Variants in GPC5 observed in about 807,000 individuals in gnomAD.
GPC5 encodes the protein glypican-5.
In GPC5, 47 loss-of-function variants were observed where a neutral mutation model predicts 53.9. The ratio of observed to expected loss-of-function variants is 0.87; its 90% CI spans 0.69 to 1.11. GPC5 has a LOEUF of 1.11. Ranked by LOEUF, GPC5 falls within the 50% of genes most tolerant of loss-of-function variation. GPC5 has a pLI of 0.00. For missense variants in GPC5, 748 were observed against 713.1 expected, an observed-to-expected ratio of 1.05 and a Z score of -0.56; for synonymous variants, 286 against 263.3, an observed-to-expected ratio of 1.09 and a Z score of -0.84.
At chr13:91,944,280 T>C (rs1251971751) in intron 6 of GPC5, among the ~76,000 whole-genome samples, 1 of 152,048 alleles carries the variant, frequency 6.6e-6, no homozygotes, top group South Asian at 2.1e-4. Flanking sequence ...GTATTTTTAG[T>C]AGAGCCATGG....
At chr13:91,468,456 G>A (rs73600292) in intron 2 of GPC5, among the ~76,000 whole-genome samples, 3,995 of 152,166 alleles carry the variant, frequency 0.026, 156 homozygotes, top group African/African-American at 0.09. Context: ...GTGATTGGTG[G>A]CCTTATATAA....
intron 6 of GPC5, among the ~76,000 whole-genome samples, chr13:92,032,059 A>G (rs1020726172): frequency 1.6e-4 from 22 of 137,972 alleles, no homozygotes; most frequent in African/African-American, 5.6e-4. Context: ...TAAAATATAT[A>G]TATTATGTAT....
At position 91,487,525 on chromosome 13, in the gene GPC5, C is replaced by G. The variant is rs2139239803; in HGVS notation, c.325+38603C>G. Among the ~76,000 whole-genome samples the G allele has an allele frequency of 2.6e-5, 4 of 152,236 alleles. No individual in the cohort carries two copies. The South Asian group carries it at 8.3e-4, about 32-fold the overall frequency. On this transcript the variant is annotated intron_variant, in intron 2 of 7. Coordinates refer to ENST00000377067, the MANE Select transcript of GPC5 (RefSeq NM_004466.6). ...CAGTCTTCAGATAGAAAAGGGAATACTAGGGTAGGGCCCCTTCCAAGATCT... is the reference window on the plus strand; with the variant it reads ...CAGTCTTCAGATAGAAAAGGGAATAGTAGGGTAGGGCCCCTTCCAAGATCT...
intron 6 of GPC5, among the ~76,000 whole-genome samples, chr13:91,916,436 A>G (rs2039660159): frequency 6.6e-6 from 1 of 152,232 alleles, no homozygotes; most frequent in Non-Finnish European, 1.5e-5. Flanking sequence ...ATATGTCCAT[A>G]TAATGCAATA....
At chr13:92,105,728 T>G (rs557554321) in intron 6 of GPC5, among the ~76,000 whole-genome samples, 357 of 152,112 alleles carry the variant, frequency 2.3e-3, no homozygotes, top group African/African-American at 8.3e-3. Flanking sequence ...TTATATATAT[T>G]AATCTTAATT....
chr13:91,434,244 G>A (rs1256990417), intron 1 of GPC5, among the ~76,000 whole-genome samples: 2 of 152,154 alleles, frequency 1.3e-5, no homozygotes, highest in African/African-American at 2.4e-5. Context: ...TGTTGCCAAC[G>A]CTTTTGGTGT....
intron 7 of GPC5, among the ~76,000 whole-genome samples, chr13:92,799,101 A>G (rs902168691): frequency 1.3e-4 from 20 of 151,760 alleles, no homozygotes; most frequent in African/African-American, 4.6e-4. Flanking sequence ...TAATGAAACA[A>G]AAGTCACTCT....
intron 5 of GPC5, among the ~76,000 whole-genome samples, chr13:91,870,671 A>C (rs1421310160): frequency 1.3e-5 from 2 of 152,218 alleles, no homozygotes; most frequent in Non-Finnish European, 2.9e-5. Flanking sequence ...CTATGTAATA[A>C]AAATGTGATT....
intron 6 of GPC5, among the ~76,000 whole-genome samples, chr13:92,125,025 C>T (rs2041683594): frequency 2.0e-5 from 3 of 152,150 alleles, no homozygotes; most frequent in African/African-American, 7.2e-5. Context: ...TGTCTTGCCT[C>T]TTGCTCACCA....
intron 7 of GPC5, among the ~76,000 whole-genome samples, chr13:92,602,962 G>A (rs1884129838): frequency 1.3e-5 from 2 of 152,112 alleles, no homozygotes; most frequent in Admixed American, 6.5e-5. Flanking sequence ...CAGTCTCACA[G>A]GACAAAATTG....
At chr13:92,177,175 T>G (rs1401162339) in intron 7 of GPC5, among the ~76,000 whole-genome samples, 1 of 152,218 alleles carries the variant, frequency 6.6e-6, no homozygotes, top group African/African-American at 2.4e-5. Flanking sequence ...AACCACAAGC[T>G]TTCTGGCTTT....
chr13:91,965,840 T>C (rs2040175647), intron 6 of GPC5, among the ~76,000 whole-genome samples: 1 of 152,198 alleles, frequency 6.6e-6, no homozygotes, highest in Non-Finnish European at 1.5e-5. Flanking sequence ...CTAATATAAT[T>C]ATCATGAAGT....
At chr13:91,993,927 C>G (rs1431719240) in intron 6 of GPC5, among the ~76,000 whole-genome samples, 1 of 152,102 alleles carries the variant, frequency 6.6e-6, no homozygotes, top group African/African-American at 2.4e-5. Flanking sequence ...CAAGAGTACT[C>G]AGAGATGTGC....
intron 7 of GPC5, among the ~76,000 whole-genome samples, chr13:92,634,460 A>G (rs769723435): frequency 6.6e-6 from 1 of 151,958 alleles, no homozygotes; most frequent in Admixed American, 6.6e-5. Context: ...TGATATCCTG[A>G]ATCAGTATTT....
chr13:92,806,038 G>T (rs984747010), intron 7 of GPC5, among the ~76,000 whole-genome samples: 5 of 152,010 alleles, frequency 3.3e-5, no homozygotes, highest in African/African-American at 9.7e-5. Context: ...GAAAGTCCTA[G>T]ATGGCATCTT....
At chr13:92,818,032 A>AGAT (rs1877540350) in intron 7 of GPC5, among the ~76,000 whole-genome samples, 3 of 134,974 alleles carry the variant, frequency 2.2e-5, no homozygotes, top group African/African-American at 8.5e-5. Context: ...TTTTTTCTTG[A>AGAT]GATGGAGTCT....
At chr13:91,403,209 G>C (rs758064281) in intron 1 of GPC5, among the ~76,000 whole-genome samples, 2 of 152,230 alleles carry the variant, frequency 1.3e-5, no homozygotes, top group African/African-American at 2.4e-5. Flanking sequence ...ATTAACATCA[G>C]GATTGCCCTG....
At chr13:91,531,918 G>A (rs1466041375) in intron 2 of GPC5, among the ~76,000 whole-genome samples, 1 of 152,090 alleles carries the variant, frequency 6.6e-6, no homozygotes, top group East Asian at 1.9e-4. Context: ...AGATCTTTCT[G>A]CTAATAAGAC....
intron 2 of GPC5, among the ~76,000 whole-genome samples, chr13:91,576,586 A>T (rs1056758186): frequency 6.6e-6 from 1 of 152,180 alleles, no homozygotes; most frequent in Non-Finnish European, 1.5e-5. Context: ...AAATTAGTGT[A>T]ACCACAGGGT....
Sources: gnomAD v4.1 joint callset for allele counts (sites outside exome capture counted in the v4.1 genomes callset) on GRCh38, gnomAD v4.1.1 for gene constraint, MANE v1.5 for transcripts, NCBI Gene and HGNC (gene_info 2026-07-23, HGNC 2026-07-21) for gene names.